The following GPR158 variants were observed in gnomAD, a reference collection of about 807,000 sequenced individuals.
GPR158 encodes G protein-coupled receptor 158, also known as metabotropic glycine receptor.
Under a neutral mutation model 78.2 loss-of-function variants are expected in GPR158, and 30 were observed. The observed-to-expected ratio is 0.38, with a 90% CI of 0.29 to 0.52. GPR158 has a LOEUF of 0.52. Ranked by LOEUF, GPR158 falls within the 20% of genes least tolerant of loss-of-function variation. The probability of loss-of-function intolerance (pLI) is 0.83; values close to 1 mark genes in which losing one functional copy is unlikely to be tolerated. For missense variants in GPR158, 1,463 were observed against 1,523.5 expected (o/e 0.96, Z 0.66); for synonymous variants, 581 against 591.1 (o/e 0.98, Z 0.25).
At chr10:25,201,253 C>CT (rs922943285) in intron 1 of GPR158, among the ~76,000 whole-genome samples, 2 of 151,852 alleles carry the variant, frequency 1.3e-5, no homozygotes, top group Non-Finnish European at 2.9e-5. Context: ...GTATTTTATT[C>CT]TTTTTGTGGG....
intron 4 of GPR158, among the ~76,000 whole-genome samples, chr10:25,438,212 T>C (rs1835024356): frequency 6.6e-6 from 1 of 152,172 alleles, no homozygotes; most frequent in South Asian, 2.1e-4. Flanking sequence ...AGGTAGAGAT[T>C]TGAGAAGACT....
At chr10:25,491,283 G>A (rs923762889) in intron 5 of GPR158, among the ~76,000 whole-genome samples, 8 of 152,078 alleles carry the variant, frequency 5.3e-5, no homozygotes, top group African/African-American at 1.9e-4. Flanking sequence ...TCTAGGTCTG[G>A]CAATGAAATA....
chr10:25,224,742 ATGT>A (rs570613455), intron 2 of GPR158, among the ~76,000 whole-genome samples: 62 of 152,274 alleles, frequency 4.1e-4, no homozygotes, highest in African/African-American at 1.2e-3. Flanking sequence ...ATTGTCAACT[ATGT>A]TTGCTACCAA....
intron 4 of GPR158, among the ~76,000 whole-genome samples, chr10:25,464,069 C>T (rs571019596): frequency 7.8e-4 from 119 of 152,256 alleles, no homozygotes; most frequent in African/African-American, 2.7e-3. Context: ...TATTATGGAA[C>T]CACTTGTCAG....
chr10:25,536,775 T>C (rs762189504), intron 5 of GPR158, among the ~76,000 whole-genome samples: 42 of 152,206 alleles, frequency 2.8e-4, no homozygotes, highest in Non-Finnish European at 5.3e-4. Flanking sequence ...CTGGCAGGCT[T>C]CACTTTCTGG....
At chr10:25,272,604 G>C (rs1854131821) in intron 2 of GPR158, among the ~76,000 whole-genome samples, 1 of 152,136 alleles carries the variant, frequency 6.6e-6, no homozygotes, top group African/African-American at 2.4e-5. Flanking sequence ...TACCTTCTGA[G>C]AATGTTTATA....
chr10:25,584,932 T>C (rs563226156), intron 7 of GPR158, among the ~76,000 whole-genome samples: 1 of 152,176 alleles, frequency 6.6e-6, no homozygotes, highest in Non-Finnish European at 1.5e-5. Flanking sequence ...AGGCTGGAGA[T>C]GGAAGCAAAA....
chr10:25,460,652 G>GAAAC (rs373200807), intron 4 of GPR158, among the ~76,000 whole-genome samples: 1 of 151,940 alleles, frequency 6.6e-6, no homozygotes, highest in Non-Finnish European at 1.5e-5. Context: ...CTTTTCTCTG[G>GAAAC]AAACAAACAA....
intron 2 of GPR158, among the ~76,000 whole-genome samples, chr10:25,281,633 G>A (rs752676782): frequency 1.3e-5 from 2 of 150,208 alleles, no homozygotes; most frequent in Non-Finnish European, 2.9e-5. Context: ...CAAAAATTTG[G>A]GATGTAATTA....
chr10:25,578,467 C>T (rs4237373), intron 7 of GPR158, among the ~76,000 whole-genome samples: 84,153 of 152,024 alleles, frequency 0.55, 25,159 homozygotes, highest in African/African-American at 0.78. Context: ...GGTAAATGTA[C>T]AAGTTCAAAT....
intron 5 of GPR158, among the ~76,000 whole-genome samples, chr10:25,544,633 C>CTGTT (rs1167149930): frequency 6.6e-6 from 1 of 151,980 alleles, no homozygotes; most frequent in Non-Finnish European, 1.5e-5. Context: ...AATTTCTTCA[C>CTGTT]TGTTAGTCTG....
chr10:25,547,093 C>A (rs1047093907), intron 5 of GPR158, among the ~76,000 whole-genome samples: 1 of 152,146 alleles, frequency 6.6e-6, no homozygotes, highest in Admixed American at 6.6e-5. Context: ...CATTTGGGAA[C>A]TGCAATGACA....
At chr10:25,400,786 T>A (rs2130535162) in intron 3 of GPR158, among the ~76,000 whole-genome samples, 1 of 152,316 alleles carries the variant, frequency 6.6e-6, no homozygotes, top group Admixed American at 6.5e-5. Context: ...TCTTATTTCT[T>A]TGGCCTTTTG....
chr10:25,317,218 T>C (rs1588795428), intron 2 of GPR158, among the ~76,000 whole-genome samples: 1 of 151,806 alleles, frequency 6.6e-6, no homozygotes, highest in East Asian at 1.9e-4. Flanking sequence ...CTAATTTTTT[T>C]TGTATTTTTA....
intron 3 of GPR158, among the ~76,000 whole-genome samples, chr10:25,406,165 G>A (rs139244453): frequency 3.8e-4 from 58 of 152,232 alleles, no homozygotes; most frequent in South Asian, 2.3e-3. Context: ...TTCTGCCTCA[G>A]GGCTGTCTCT....
rs551635835 is a variant in GPR158 at position 25,400,028 on chromosome 10, A to T, written c.1111+4015A>T. On this transcript the variant is annotated intron_variant, in intron 3 of 10. Coordinates refer to ENST00000376351, the MANE Select transcript of GPR158 (RefSeq NM_020752.3). ...TAATAAGTGGTCAATACACAGTTAA[A>T]TAATTGAATACACATACACACACAT... Among the ~76,000 whole-genome samples the T allele has an allele frequency of 2.6e-5, 4 of 152,326 alleles. 1 individual carries two copies. The highest frequency in any genetic ancestry group is 9.6e-5 in the African/African-American group (4 of 41,574).
At chr10:25,296,031 A>G (rs1209676329) in intron 2 of GPR158, among the ~76,000 whole-genome samples, 1 of 148,026 alleles carries the variant, frequency 6.8e-6, no homozygotes, top group East Asian at 2.0e-4. Context: ...GGAAATGAGA[A>G]AAGCATAGCA....
intron 5 of GPR158, among the ~76,000 whole-genome samples, chr10:25,509,172 C>A (rs1445177763): frequency 6.6e-6 from 1 of 152,110 alleles, no homozygotes; most frequent in Non-Finnish European, 1.5e-5. Context: ...CTGTGATGAT[C>A]AAAAATGTCT....
intron 2 of GPR158, among the ~76,000 whole-genome samples, chr10:25,242,607 C>G (rs1853641497): frequency 6.6e-6 from 1 of 152,180 alleles, no homozygotes; most frequent in Non-Finnish European, 1.5e-5. Flanking sequence ...GCCATTCTCT[C>G]TCTTCAGATA....
Sources: allele counts gnomAD v4.1 joint callset (sites outside exome capture counted in the v4.1 genomes callset), GRCh38; gene constraint gnomAD v4.1.1; transcripts MANE v1.5; gene names NCBI Gene and HGNC (gene_info 2026-07-23, HGNC 2026-07-21).